The following IGF1R variants were observed in gnomAD, a reference collection of about 807,000 sequenced individuals.
IGF1R encodes insulin-like growth factor 1 receptor.
A neutral mutation model predicts 144.6 loss-of-function variants in IGF1R; 44 were observed. The ratio of observed to expected loss-of-function variants is 0.30; its 90% CI spans 0.24 to 0.39. The LOEUF (loss-of-function observed/expected upper bound fraction) is 0.39, where lower values mean the gene tolerates loss of function less well. IGF1R is among the 10% of genes least tolerant of loss of function. The probability of loss-of-function intolerance (pLI) is 1.00; values close to 1 mark genes in which losing one functional copy is unlikely to be tolerated. For synonymous variants in IGF1R, 795 were observed against 722.8 expected, an observed-to-expected ratio of 1.10 and a Z score of -1.60; for missense variants, 1,355 against 1,833.7, an observed-to-expected ratio of 0.74 and a Z score of 4.77.
At position 98,649,030 on chromosome 15, in the gene IGF1R, CAGGAGG is replaced by C. The variant is rs139163109; in HGVS notation, c.-539_-534del. ...GGGAGGAGGCGGCGGCGAGCGGAGC[CAGGAGG>C]AGGAGGAGGAGGGGGAGCCGCTCAT... On this transcript the variant is annotated 5_prime_UTR_variant, in exon 1 of 21. Transcript: ENST00000650285. 2.6e-4 allele frequency: 54 copies of C among 209,894 alleles called. No individual in the cohort carries two copies. The highest frequency in any genetic ancestry group is 4.2e-4 in the Admixed American group (7 of 16,814). The allele number at this position is 209,894 out of a possible 1,614,324, so 13.0% of individuals were successfully genotyped here.
intron 2 of IGF1R, among the ~76,000 whole-genome samples, chr15:98,813,612 T>G (rs2056638513): frequency 6.6e-6 from 1 of 152,218 alleles, no homozygotes; most frequent in Admixed American, 6.5e-5. Context: ...GTAACAGACT[T>G]TTTCAGTGGC....
At chr15:98,711,107 A>G (rs897231418) in intron 2 of IGF1R, among the ~76,000 whole-genome samples, 2 of 152,070 alleles carry the variant, frequency 1.3e-5, no homozygotes, top group African/African-American at 4.8e-5. Flanking sequence ...CTGAGTCGTC[A>G]CTGCAGCGCT....
chr15:98,801,701 G>A (rs1379002172), intron 2 of IGF1R, among the ~76,000 whole-genome samples: 2 of 152,358 alleles, frequency 1.3e-5, no homozygotes, highest in Admixed American at 1.3e-4. Context: ...TGTGTATGGA[G>A]TATAATTCTG....
At chr15:98,803,836 T>C (rs934450962) in intron 2 of IGF1R, among the ~76,000 whole-genome samples, 3 of 152,192 alleles carry the variant, frequency 2.0e-5, no homozygotes, top group African/African-American at 7.2e-5. Flanking sequence ...GTAGAAGGTG[T>C]ACACTCTTAA....
At chr15:98,863,330 G>T (rs1208528944) in intron 2 of IGF1R, among the ~76,000 whole-genome samples, 1 of 152,142 alleles carries the variant, frequency 6.6e-6, no homozygotes, top group Non-Finnish European at 1.5e-5. Flanking sequence ...GGTGGTCTCT[G>T]TGGCTTCCTC....
intron 2 of IGF1R, among the ~76,000 whole-genome samples, chr15:98,801,961 A>G (rs2056373541): frequency 6.6e-6 from 1 of 152,166 alleles, no homozygotes; most frequent in Admixed American, 6.5e-5. Flanking sequence ...CCCATGTCCC[A>G]GCAAGGGCAT....
intron 20 of IGF1R, among the ~76,000 whole-genome samples, chr15:98,950,559 C>T (rs1023631639): frequency 2.0e-4 from 30 of 152,242 alleles, no homozygotes; most frequent in African/African-American, 5.8e-4. Context: ...AGGCCACTCA[C>T]AGTCCTTGCC....
intron 1 of IGF1R, among the ~76,000 whole-genome samples, chr15:98,671,891 G>C (rs1436944254): frequency 1.3e-5 from 2 of 152,216 alleles, no homozygotes. Flanking sequence ...GACTATTTCA[G>C]TGGAATTCTT....
At chr15:98,883,857 C>T (rs1342367068) in intron 2 of IGF1R, among the ~76,000 whole-genome samples, 4 of 152,164 alleles carry the variant, frequency 2.6e-5, no homozygotes, top group Non-Finnish European at 5.9e-5. Flanking sequence ...GAGGGAGGGG[C>T]TCTTTTTATT....
rs192011025 is a variant in IGF1R at position 98,874,781 on chromosome 15, C to G, written c.641-16544C>G. ...GCTCCAGCTCTGCAGTGAAGCAGAACAAACTGATACAGCCTAGCTTGGGGG... is the reference window on the plus strand; with the variant it reads ...GCTCCAGCTCTGCAGTGAAGCAGAAGAAACTGATACAGCCTAGCTTGGGGG... On this transcript the variant is annotated intron_variant, in intron 2 of 20. Transcript: ENST00000650285. Among the ~76,000 whole-genome samples the G allele has an allele frequency of 2.0e-3, 298 of 152,318 alleles. 2 individuals are homozygous for G. Among genetic ancestry groups the G allele is most frequent in the Non-Finnish European group, 6.3e-4 (43 of 68,016 alleles).
intron 2 of IGF1R, among the ~76,000 whole-genome samples, chr15:98,867,443 C>G (rs1326027158): frequency 6.6e-6 from 1 of 152,204 alleles, no homozygotes; most frequent in Non-Finnish European, 1.5e-5. Context: ...ACTTGCCAGT[C>G]TTGAGTCCCC....
chr15:98,789,813 T>C (rs768322091), intron 2 of IGF1R, among the ~76,000 whole-genome samples: 1 of 152,018 alleles, frequency 6.6e-6, no homozygotes, highest in Non-Finnish European at 1.5e-5. Context: ...TCCTCAGCTT[T>C]GGGGGCGAGT....
At chr15:98,864,770 A>G (rs558903365) in intron 2 of IGF1R, among the ~76,000 whole-genome samples, 1 of 152,320 alleles carries the variant, frequency 6.6e-6, no homozygotes, top group South Asian at 2.1e-4. Flanking sequence ...CTTTTCTATT[A>G]TTTTTAAAAT....
rs2151681483 is a variant in IGF1R, at chr15:98,916,109, C to T, written c.1974C>T (p.Tyr658=). Residue 658 remains tyrosine (Y), a synonymous_variant, in exon 9 of 21, where the codon TAC becomes TAT. Transcript: ENST00000650285. ...WQRQPQDGYL[Y]RHNYCSKDKI... is the part of the protein sequence containing the mutation. ...GGCAGCCTCAGGACGGCTACCTTTA[C>T]CGGCACAATTACTGCTCCAAAGGTA... is the stretch of plus-strand genomic sequence containing the variant. The T allele has an allele frequency of 6.2e-7, 1 of 1,614,206 alleles. No individual in the cohort carries two copies. The highest frequency in any genetic ancestry group is 8.5e-7 in the Non-Finnish European group (1 of 1,180,030).
intron 5 of IGF1R, among the ~76,000 whole-genome samples, chr15:98,904,049 A>ATTTT (rs35759630): frequency 2.9e-5 from 3 of 103,788 alleles, no homozygotes; most frequent in South Asian, 3.2e-4. Flanking sequence ...TGATGGGTGA[A>ATTTT]TTTTTTTTTT....
intron 2 of IGF1R, among the ~76,000 whole-genome samples, chr15:98,741,419 T>A (rs1283475893): frequency 1.3e-5 from 2 of 152,170 alleles, no homozygotes; most frequent in Non-Finnish European, 2.9e-5. Flanking sequence ...TCTCGCTGCC[T>A]GATTTGTGCT....
intron 1 of IGF1R, chr15:98,660,263 A>G (rs2052570580): frequency 6.6e-6 from 1 of 152,178 alleles, no homozygotes; most frequent in African/African-American, 2.4e-5. Flanking sequence ...AGCAAACAAT[A>G]CTACCAGCTT....
At chr15:98,666,504 T>C (rs1279470593) in intron 1 of IGF1R, among the ~76,000 whole-genome samples, 1 of 152,130 alleles carries the variant, frequency 6.6e-6, no homozygotes, top group Non-Finnish European at 1.5e-5. Flanking sequence ...CATAGACGGG[T>C]GGATAAACAA....
chr15:98,648,928 G>T lies in IGF1R; in HGVS notation c.-654G>T, dbSNP rs1372038861. 5.7e-6 allele frequency: 1 copy of T among 174,750 alleles called. No homozygotes were observed. The highest frequency in any genetic ancestry group is 2.4e-5 in the African/African-American group (1 of 41,590). The allele number at this position is 174,750 out of a possible 1,614,324, so 10.8% of individuals were successfully genotyped here. On this transcript the variant is annotated 5_prime_UTR_variant, in exon 1 of 21. Transcript: ENST00000650285. ...CCGGGCGGCGCGGCGGGAGTGCTGA[G>T]CGCGGCGCGGCCGGCCCGCCGCTTT...
Sources: allele counts gnomAD v4.1 joint callset (sites outside exome capture counted in the v4.1 genomes callset), GRCh38; gene constraint gnomAD v4.1.1; transcripts MANE v1.5; gene names NCBI Gene and HGNC (gene_info 2026-07-23, HGNC 2026-07-21).